The following CPS1 variants were observed in gnomAD, a reference collection of about 807,000 sequenced individuals.
CPS1 encodes carbamoyl-phosphate synthase 1, also known as carbamoyl-phosphate synthase [ammonia], mitochondrial.
CPS1 carries 109 observed loss-of-function variants against 174.6 expected under a neutral mutation model. The observed-to-expected ratio is 0.62, with a 90% confidence interval of 0.53 to 0.73. The LOEUF is 0.73. Ranked by LOEUF, CPS1 falls within the 30% of genes least tolerant of loss-of-function variation. The pLI is 0.00. For missense variants in CPS1, 1,689 were observed against 1,821.9 expected (o/e 0.93, Z 1.33); for synonymous variants, 637 against 632.0 (o/e 1.01, Z -0.12).
intron 1 of CPS1, among the ~76,000 whole-genome samples, chr2:210,491,938 C>T (rs1279343203): frequency 6.6e-6 from 1 of 152,068 alleles, no homozygotes; most frequent in African/African-American, 2.4e-5. Context: ...AGGGTGGTAG[C>T]AATAAAGCTT....
At chr2:210,654,003 C>T in intron 28 of CPS1, 22 bp from the exon 29 acceptor site, 2 of 1,604,816 alleles carry the variant, frequency 1.2e-6, no homozygotes, top group South Asian at 1.1e-5. Context: ...ATGTTCGGCT[C>T]CTCTGTTTTC....
intron 1 of CPS1, among the ~76,000 whole-genome samples, chr2:210,535,222 G>T (rs750595739): frequency 6.6e-6 from 1 of 152,142 alleles, no homozygotes; most frequent in Non-Finnish European, 1.5e-5. Flanking sequence ...CTTCTGCCAT[G>T]CCTGCCATGC....
At chr2:210,660,692 T>C in intron 32 of CPS1, 37 bp downstream of exon 32, 1 of 1,578,502 alleles carries the variant, frequency 6.3e-7, no homozygotes, top group South Asian at 1.1e-5. Flanking sequence ...ATTTTATGAG[T>C]TCTAGTGAAA....
Position 210,648,075 on chromosome 2 carries a change from T to G in CPS1, c.3336+18T>G, listed in dbSNP as rs369381218. On this transcript the variant is annotated intron_variant, in intron 26 of 37. Coordinates refer to ENST00000233072, the MANE Select transcript of CPS1 (RefSeq NM_001875.5). ...ATACTTTGGTAAGGAGAGAAACAAG[T>G]ATCTGTTTCTAATGTTCTATTTTGA... is the stretch of plus-strand genomic sequence containing the variant. 16 of 1,611,414 alleles carry G rather than the reference T, an allele frequency of 9.9e-6. No homozygotes were observed. The African/African-American group carries it at 2.0e-4, about 20-fold the overall frequency.
chr2:210,591,946 A>G lies in CPS1; in HGVS notation c.1063A>G (p.Asn355Asp), dbSNP rs1472190012. Residue 355 changes from asparagine (N) to aspartate (D), a missense_variant, in exon 10 of 38, where the codon AAT becomes GAT. Transcript: ENST00000233072. The stretch of plus-strand genomic sequence containing the variant: ...TGCTGGCTGGAAACCACTTTTTGTG[A>G]ATGTCAACGATCAAACAAATGAGGT... ...LPAGWKPLFV[N>D]VNDQTNEGIM... 14 of 1,611,800 alleles carry G rather than the reference A, an allele frequency of 8.7e-6. No individual in the cohort carries two copies. The highest frequency in any genetic ancestry group is 1.2e-5 in the Non-Finnish European group (14 of 1,178,878).
Position 210,516,743 on chromosome 2 carries a change from A to G in CPS1, c.3+38977A>G, listed in dbSNP as rs1476593693. Among the ~76,000 whole-genome samples, 3 of 151,916 alleles carry G rather than the reference A, an allele frequency of 2.0e-5. 1 individual carries two copies. Among genetic ancestry groups the G allele is most frequent in the Non-Finnish European group, 4.4e-5 (3 of 67,900 alleles). ...TACTGGATCAGGTCTTGCTATCTTTATATATGCTGTTCTCTCTATCATCCC... is the reference window on the plus strand; with the variant it reads ...TACTGGATCAGGTCTTGCTATCTTTGTATATGCTGTTCTCTCTATCATCCC... On this transcript the variant is annotated intron_variant, in intron 1 of 38. Transcript: ENST00000430249.
In CPS1 at chr2:210,608,525, G is replaced by A. The variant is rs1559104095; in HGVS notation, c.2357G>A (p.Ser786Asn). The change falls in exon 19 of 38, where the codon AGC becomes AAC. Residue 786 changes from serine (S) to asparagine (N), a missense_variant. Physicochemically the swap from Ser to Asn is conservative, Grantham distance 46. Coordinates refer to ENST00000233072, the MANE Select transcript of CPS1 (RefSeq NM_001875.5). ...WDLDRFHGTS[S>N]RIGSSMKSVG... is the part of the protein sequence containing the mutation. ...CTTGACCGTTTTCATGGAACATCTA[G>A]CCGAATTGGTAGCTCTATGAAAAGT... 3.1e-6 allele frequency: 5 copies of A among 1,612,072 alleles called. No homozygotes were observed. The highest frequency in any genetic ancestry group is 1.3e-5 in the African/African-American group (1 of 74,858).
intron 21 of CPS1, among the ~76,000 whole-genome samples, chr2:210,617,003 A>G (rs1389998948): frequency 6.6e-6 from 1 of 151,932 alleles, no homozygotes; most frequent in Non-Finnish European, 1.5e-5. Flanking sequence ...TTTGCGCTCT[A>G]CTGTTTTTAA....
chr2:210,561,764 A>G (rs1217319605), intron 1 of CPS1, among the ~76,000 whole-genome samples: 1 of 152,022 alleles, frequency 6.6e-6, no homozygotes, highest in African/African-American at 2.4e-5. Flanking sequence ...CTTCCATTTG[A>G]TTTTCTTCAT....
At chr2:210,607,313 A>G (rs1698948027) in intron 18 of CPS1, among the ~76,000 whole-genome samples, 1 of 151,940 alleles carries the variant, frequency 6.6e-6, no homozygotes, top group Admixed American at 6.6e-5. Flanking sequence ...CAAATAGTTG[A>G]CAGAAAATAT....
intron 1 of CPS1, among the ~76,000 whole-genome samples, chr2:210,508,073 A>G (rs1175296908): frequency 6.6e-6 from 1 of 151,760 alleles, no homozygotes; most frequent in East Asian, 1.9e-4. Context: ...AACAGAATAG[A>G]CATTCTTTTC....
At chr2:210,537,001 A>G (rs899711920) in intron 1 of CPS1, among the ~76,000 whole-genome samples, 1 of 152,230 alleles carries the variant, frequency 6.6e-6, no homozygotes, top group African/African-American at 2.4e-5. Flanking sequence ...ATATTCATGA[A>G]CACACCAGAA....
chr2:210,564,740 T>C (rs1237221431), intron 1 of CPS1, among the ~76,000 whole-genome samples: 9 of 151,714 alleles, frequency 5.9e-5, no homozygotes, highest in African/African-American at 9.7e-5. Flanking sequence ...CACCTGTAAT[T>C]CCAGCACTTT....
chr2:210,636,630 C>G (rs1167531453), intron 21 of CPS1, among the ~76,000 whole-genome samples: 3 of 151,852 alleles, frequency 2.0e-5, no homozygotes, highest in African/African-American at 7.3e-5. Context: ...TTAAAAGTAT[C>G]AGGTGATAAT....
At chr2:210,513,932 A>C (rs1299832566) in intron 1 of CPS1, among the ~76,000 whole-genome samples, 1 of 152,008 alleles carries the variant, frequency 6.6e-6, no homozygotes, top group East Asian at 1.9e-4. Flanking sequence ...AGGACAATTT[A>C]TTGAATAGGA....
Position 210,612,098 on chromosome 2 carries a change from T to G in CPS1, c.2392-19T>G. The G allele has an allele frequency of 6.2e-7, 1 of 1,609,678 alleles. No individual in the cohort carries two copies. The highest frequency in any genetic ancestry group is 8.5e-7 in the Non-Finnish European group (1 of 1,176,748). ...ATAAGCTCTTTCTTTCAATATGAGGTCTTAAACATGTATTACAGGTCATGG... is the reference window on the plus strand; with the variant it reads ...ATAAGCTCTTTCTTTCAATATGAGGGCTTAAACATGTATTACAGGTCATGG... On this transcript the variant is annotated intron_variant, in intron 19 of 37. Transcript: ENST00000233072.
chr2:210,566,006 C>T (rs556148456), intron 1 of CPS1, among the ~76,000 whole-genome samples: 2 of 152,222 alleles, frequency 1.3e-5, no homozygotes, highest in South Asian at 2.1e-4. Context: ...CCTTGGCCAA[C>T]GGGATAGGAA....
rs1559093517 is a variant in CPS1 at position 210,591,919 on chromosome 2, C to T, written c.1036C>T (p.Pro346Ser). 2 of 1,612,296 alleles carry T rather than the reference C, an allele frequency of 1.2e-6. No homozygotes were observed. The highest frequency in any genetic ancestry group is 8.5e-7 in the Non-Finnish European group (1 of 1,178,996). ...TGGCTATGCCTTGGACAACACCCTC[C>T]CTGCTGGCTGGAAACCACTTTTTGT... The part of the protein sequence containing the change: ...NHGYALDNTL[P>S]AGWKPLFVNV... The change falls in exon 10 of 38, where the codon CCT becomes TCT. Residue 346 changes from proline to serine, a missense_variant. Pro to Ser is a moderately conservative substitution (Grantham distance 74). Transcript: ENST00000233072.
chr2:210,514,233 G>T (rs1253828679), intron 1 of CPS1, among the ~76,000 whole-genome samples: 1 of 151,970 alleles, frequency 6.6e-6, no homozygotes, highest in Non-Finnish European at 1.5e-5. Context: ...GACATTGGTT[G>T]TTTGATAGGA....
Sources: allele counts gnomAD v4.1 joint callset (sites outside exome capture counted in the v4.1 genomes callset), GRCh38; gene constraint gnomAD v4.1.1; transcripts MANE v1.5; gene names NCBI Gene and HGNC (gene_info 2026-07-23, HGNC 2026-07-21).